SHMT1: variants seen among roughly 807,000 people sequenced by gnomAD.
SHMT1 encodes serine hydroxymethyltransferase 1.
In SHMT1, 45 loss-of-function variants were observed where a neutral mutation model predicts 49.0. The observed-to-expected ratio is 0.92, with a 90% confidence interval of 0.72 to 1.18. SHMT1 has a LOEUF of 1.18. SHMT1 is among the 50% of genes most tolerant of loss of function. SHMT1 has a pLI of 0.00. For synonymous variants in SHMT1, 232 were observed against 246.6 expected (o/e 0.94, Z 0.55); for missense variants, 541 against 612.4 (o/e 0.88, Z 1.23).
intron 5 of SHMT1, among the ~76,000 whole-genome samples, chr17:18,344,527 T>A (rs1489960505): frequency 5.9e-5 from 3 of 51,254 alleles, no homozygotes; most frequent in African/African-American, 1.6e-4. Context: ...AAAAAAGATT[T>A]AAAAAAAATG....
chr17:18,354,754 T>C (rs890574419), intron 2 of SHMT1, among the ~76,000 whole-genome samples: 2 of 151,476 alleles, frequency 1.3e-5, no homozygotes, highest in African/African-American at 2.4e-5. Flanking sequence ...GAAAAGATGC[T>C]TTAGGCCGGG....
chr17:18,335,707 T>C (rs376956918), intron 7 of SHMT1, 32 bp from the exon 8 acceptor site: 42 of 1,451,030 alleles, frequency 2.9e-5, no homozygotes, highest in Middle Eastern at 1.7e-4. Flanking sequence ...AGTGGGATCA[T>C]AGGGGCTGTC....
chr17:18,348,269 G>C, intron 4 of SHMT1, 56 bp downstream of exon 4: 1 of 1,149,408 alleles, frequency 8.7e-7, no homozygotes, highest in East Asian at 2.4e-5. Context: ...GTGCATGTCG[G>C]CCCTGGGGGA....
Position 18,347,667 on chromosome 17 carries a change from T to C in SHMT1, c.359-11A>G, listed in dbSNP as rs769669397. 1.2e-6 allele frequency: 2 copies of C among 1,613,810 alleles called. No individual in the cohort carries two copies. Among genetic ancestry groups the C allele is most frequent in the Non-Finnish European group, 1.7e-6 (2 of 1,179,940 alleles). On this transcript the variant is annotated splice_polypyrimidine_tract_variant and intron_variant, in intron 4 of 11. Transcript: ENST00000316694. ...AGTTTGCAGGGGAGCCTGAAACGAG[T>C]GGACCAGAGGAGACATGATTATTTC...
chr17:18,348,730 T>G, intron 3 of SHMT1: 4 of 539,458 alleles, frequency 7.4e-6, no homozygotes, highest in South Asian at 5.6e-5. Context: ...ATCCCAGCAC[T>G]TTGAGGAGCC....
At chr17:18,356,985 T>C (rs978318579) in intron 1 of SHMT1, among the ~76,000 whole-genome samples, 2 of 151,926 alleles carry the variant, frequency 1.3e-5, no homozygotes, top group African/African-American at 2.4e-5. Context: ...CTGCTATACA[T>C]GAAGAATATT....
intron 1 of SHMT1, among the ~76,000 whole-genome samples, chr17:18,359,785 A>G (rs1446002913): frequency 6.6e-6 from 1 of 151,298 alleles, no homozygotes. Context: ...ATCTCCACTA[A>G]AAATACTAAA....
chr17:18,354,989 T>C (rs1176812296), intron 2 of SHMT1, among the ~76,000 whole-genome samples: 4 of 129,050 alleles, frequency 3.1e-5, no homozygotes, highest in Admixed American at 9.2e-5. Context: ...AGATGGAGCT[T>C]GCAGTGAGCT....
At chr17:18,355,226 C>T (rs546673431) in intron 2 of SHMT1, among the ~76,000 whole-genome samples, 2 of 138,610 alleles carry the variant, frequency 1.4e-5, no homozygotes, top group South Asian at 2.3e-4. Flanking sequence ...AAAAATTAGC[C>T]GGGTGTGGTG....
At chr17:18,339,395 C>T (rs1014406068) in intron 7 of SHMT1, among the ~76,000 whole-genome samples, 8 of 152,128 alleles carry the variant, frequency 5.3e-5, no homozygotes, top group Non-Finnish European at 1.2e-4. Flanking sequence ...CCCCAGCCAG[C>T]CATGCACCCT....
At chr17:18,354,421 AAAAC>A (rs1986026293) in intron 2 of SHMT1, among the ~76,000 whole-genome samples, 3 of 145,138 alleles carry the variant, frequency 2.1e-5, no homozygotes, top group South Asian at 4.5e-4. Context: ...CTCTGTCTCA[AAAAC>A]AAACAAACAA....
chr17:18,349,554 C>G (rs4925177), intron 3 of SHMT1, among the ~76,000 whole-genome samples: 39,498 of 151,624 alleles, frequency 0.26, 5,229 homozygotes, highest in East Asian at 0.3. Flanking sequence ...CTCAGCTCTA[C>G]AAAAAATTTT....
intron 5 of SHMT1, among the ~76,000 whole-genome samples, chr17:18,345,571 T>C (rs1985001113): frequency 6.6e-6 from 1 of 152,000 alleles, no homozygotes; most frequent in Non-Finnish European, 1.5e-5. Context: ...GAGACGGGGT[T>C]TCACTGTGTT....
In SHMT1 at chr17:18,335,559, CA is replaced by C; in HGVS notation, c.930del (p.Val312LeufsTer5). The C allele has an allele frequency of 6.2e-7, 1 of 1,601,740 alleles. No homozygotes were observed. The highest frequency in any genetic ancestry group is 1.1e-5 in the South Asian group (1 of 90,820). ...LQGGPHNHAI[A>X]GVAVALKQAM... ...TGAGCAGAGGCAGATGATGTTTTAC[CA>C]GCAATGGCGTGGTTGTGGGGACCTC... On this transcript the variant is annotated frameshift_variant and splice_region_variant, in exon 8 of 12. Transcript: ENST00000316694. LOFTEE classifies it high-confidence loss of function.
chr17:18,359,030 C>T (rs368172652), intron 1 of SHMT1, among the ~76,000 whole-genome samples: 2 of 149,694 alleles, frequency 1.3e-5, no homozygotes, highest in Non-Finnish European at 3.0e-5. Context: ...CCAAGGCGTG[C>T]GGATCATGAG....
At position 18,330,565 on chromosome 17, in the gene SHMT1, G is replaced by A. The variant is rs1983091552; in HGVS notation, c.1161C>T (p.Asn387=). 2 of 1,610,198 alleles carry A rather than the reference G, an allele frequency of 1.2e-6. No individual in the cohort carries two copies. The highest frequency in any genetic ancestry group is 1.7e-6 in the Non-Finnish European group (2 of 1,176,366). Residue 387 remains asparagine, a synonymous_variant, in exon 10 of 12, where the codon AAC becomes AAT. Coordinates refer to ENST00000316694, the MANE Select transcript of SHMT1 (RefSeq NM_004169.5). ...AAGGATGATTCTCACCTGGACAGGT[G>A]TTCTTGTTGCAGGCAATAGAACAGG... ...LEACSIACNK[N]TCPGDRSALR...
At chr17:18,350,326 G>A (rs574516751) in intron 3 of SHMT1, among the ~76,000 whole-genome samples, 33 of 151,896 alleles carry the variant, frequency 2.2e-4, no homozygotes, top group South Asian at 6.2e-4. Context: ...GTGAGACTCC[G>A]TCTCAAAATA....
Position 18,334,032 on chromosome 17 carries a change from G to A in SHMT1, c.932-744C>T, listed in dbSNP as rs1239363582. Among the ~76,000 whole-genome samples, 8 of 151,736 alleles carry A rather than the reference G, an allele frequency of 5.3e-5. No individual in the cohort carries two copies. The East Asian group carries it at 1.4e-3, about 26-fold the overall frequency. On this transcript the variant is annotated intron_variant, in intron 8 of 11. Coordinates refer to ENST00000316694, the MANE Select transcript of SHMT1 (RefSeq NM_004169.5). ...CGGCTCACTGCAACCTCCGCCTCCC[G>A]GGTTCAAGCAATTCTCCTGCCTCAG... is the stretch of plus-strand genomic sequence containing the variant.
intron 10 of SHMT1, among the ~76,000 whole-genome samples, chr17:18,329,942 G>A (rs886282555): frequency 8.6e-5 from 13 of 152,030 alleles, no homozygotes; most frequent in African/African-American, 2.7e-4. Flanking sequence ...GCTCAATGCA[G>A]CCTCTGCCTC....
Sources: allele counts gnomAD v4.1 joint callset (sites outside exome capture counted in the v4.1 genomes callset), GRCh38; gene constraint gnomAD v4.1.1; transcripts MANE v1.5; gene names NCBI Gene and HGNC (gene_info 2026-07-23, HGNC 2026-07-21).